Variants in UBE2E2 observed in about 807,000 individuals in gnomAD.
UBE2E2 encodes ubiquitin conjugating enzyme E2 E2.
A neutral mutation model predicts 24.7 loss-of-function variants in UBE2E2; 6 were observed. The ratio of observed to expected loss-of-function variants is 0.24; its 90% CI spans 0.13 to 0.48. The LOEUF is 0.48. UBE2E2 is among the 20% of genes least tolerant of loss of function. UBE2E2 has a pLI of 0.99. For synonymous variants in UBE2E2, 104 were observed against 83.6 expected (o/e 1.24, Z -1.33); for missense variants, 169 against 245.0 (o/e 0.69, Z 2.07).
chr3:23,279,118 C>G (rs1374814113), intron 3 of UBE2E2, among the ~76,000 whole-genome samples: 1 of 151,968 alleles, frequency 6.6e-6, no homozygotes, highest in Non-Finnish European at 1.5e-5. Context: ...TTGTAATAAA[C>G]ATGGTTTTAA....
intron 3 of UBE2E2, among the ~76,000 whole-genome samples, chr3:23,359,571 C>G (rs2125329858): frequency 6.6e-6 from 1 of 152,096 alleles, no homozygotes; most frequent in East Asian, 1.9e-4. Context: ...TTGAAATGAT[C>G]TTTGATCTAT....
chr3:23,370,634 G>A (rs1696377340), intron 3 of UBE2E2, among the ~76,000 whole-genome samples: 1 of 152,170 alleles, frequency 6.6e-6, no homozygotes, highest in Non-Finnish European at 1.5e-5. Flanking sequence ...TCTGTGAAAT[G>A]GTGAGAAAAG....
chr3:23,232,638 T>C (rs1452000685), intron 3 of UBE2E2, among the ~76,000 whole-genome samples: 1 of 152,170 alleles, frequency 6.6e-6, no homozygotes, highest in African/African-American at 2.4e-5. Context: ...TTCCTACATA[T>C]AAATGTTGCA....
At chr3:23,329,145 T>G (rs1269136824) in intron 3 of UBE2E2, among the ~76,000 whole-genome samples, 1 of 152,216 alleles carries the variant, frequency 6.6e-6, no homozygotes, top group African/African-American at 2.4e-5. Context: ...AGATGAGAAT[T>G]CTCAGACATG....
At chr3:23,561,249 T>A (rs1695922510) in intron 5 of UBE2E2, among the ~76,000 whole-genome samples, 1 of 152,216 alleles carries the variant, frequency 6.6e-6, no homozygotes. Flanking sequence ...AATTTTTGTA[T>A]AAGGTGTAAG....
chr3:23,254,322 G>A (rs1305160654), intron 3 of UBE2E2, among the ~76,000 whole-genome samples: 3 of 152,182 alleles, frequency 2.0e-5, no homozygotes, highest in Non-Finnish European at 4.4e-5. Flanking sequence ...ATGGGGAAGA[G>A]GTAATTTTGA....
Position 23,491,451 on chromosome 3 carries a change from CA to C in UBE2E2, c.228-8156del, listed in dbSNP as rs1229253306. 5.3e-5 allele frequency among the ~76,000 whole-genome samples: 8 copies of C among 152,294 alleles called. 1 individual carries two copies. The highest frequency in any genetic ancestry group is 1.9e-4 in the African/African-American group (8 of 41,552). On this transcript the variant is annotated intron_variant, in intron 3 of 5. Transcript: ENST00000396703. ...ACCACTTCCAAAGGAGAACCTAGTACAGCCTTTAGGGGATCAGAAAGGTTGC... is the reference window on the plus strand; with the variant it reads ...ACCACTTCCAAAGGAGAACCTAGTACGCCTTTAGGGGATCAGAAAGGTTGC...
chr3:23,380,919 A>G (rs534257170), intron 3 of UBE2E2, among the ~76,000 whole-genome samples: 24 of 152,280 alleles, frequency 1.6e-4, no homozygotes, highest in African/African-American at 5.5e-4. Flanking sequence ...AAGTTTTGAA[A>G]CATAACTAGT....
At position 23,298,800 on chromosome 3, in the gene UBE2E2, C is replaced by T. The variant is rs546468599; in HGVS notation, c.227+81488C>T. ...TTTGGTATCAGGATGATGCTGGCCT[C>T]ATAAAATGAGTTAGGGAGGATTCCC... is the stretch of plus-strand genomic sequence containing the variant. On this transcript the variant is annotated intron_variant, in intron 3 of 5. Transcript: ENST00000396703. Among the ~76,000 whole-genome samples, 35 of 152,162 alleles carry T rather than the reference C, an allele frequency of 2.3e-4. No homozygotes were observed. The South Asian group carries it at 3.1e-3, about 14-fold the overall frequency.
intron 3 of UBE2E2, among the ~76,000 whole-genome samples, chr3:23,291,849 A>ATTTTTTTTTTTTTTTTTTTTTTTTTT (rs57708620): frequency 1.6e-5 from 1 of 64,054 alleles, no homozygotes; most frequent in African/African-American, 7.1e-5. Context: ...TGCCCGGCTA[A>ATTTTTTTTTTTTTTTTTTTTTTTTTT]TTTTTTTTTT....
intron 3 of UBE2E2, among the ~76,000 whole-genome samples, chr3:23,328,662 C>CT (rs11433089): frequency 0.78 from 112,779 of 145,430 alleles, 43,612 homozygotes; most frequent in African/African-American, 0.83. Flanking sequence ...CTCTCTCTCT[C>CT]TTTTTTTTTT....
chr3:23,307,475 A>G (rs1699268425), intron 3 of UBE2E2, among the ~76,000 whole-genome samples: 1 of 152,160 alleles, frequency 6.6e-6, no homozygotes, highest in East Asian at 1.9e-4. Flanking sequence ...GACGTTTTAC[A>G]AATTTTGCTC....
At chr3:23,358,285 A>G (rs1375224902) in intron 3 of UBE2E2, among the ~76,000 whole-genome samples, 3 of 149,350 alleles carry the variant, frequency 2.0e-5, no homozygotes, top group African/African-American at 7.3e-5. Flanking sequence ...TTTCATTTCA[A>G]CAGAGCAAAC....
intron 5 of UBE2E2, among the ~76,000 whole-genome samples, chr3:23,574,017 A>G (rs949171988): frequency 1.3e-5 from 2 of 152,238 alleles, no homozygotes; most frequent in African/African-American, 4.8e-5. Flanking sequence ...TGGTACATAT[A>G]TGCAATGGAG....
At chr3:23,403,644 A>T (rs932577205) in intron 3 of UBE2E2, among the ~76,000 whole-genome samples, 95 of 152,242 alleles carry the variant, frequency 6.2e-4, no homozygotes, top group Middle Eastern at 3.4e-3. Context: ...AACATGGTGA[A>T]ACCCGGTCTC....
chr3:23,412,173 GTAA>G (rs1697509930), intron 3 of UBE2E2, among the ~76,000 whole-genome samples: 1 of 152,128 alleles, frequency 6.6e-6, no homozygotes, highest in African/African-American at 2.4e-5. Context: ...TAAATAGGAT[GTAA>G]TAATTAATGT....
chr3:23,345,056 C>T (rs1695511227), intron 3 of UBE2E2, among the ~76,000 whole-genome samples: 1 of 152,078 alleles, frequency 6.6e-6, no homozygotes, highest in African/African-American at 2.4e-5. Flanking sequence ...ACGAATTTTG[C>T]CCTTAAATAG....
intron 3 of UBE2E2, among the ~76,000 whole-genome samples, chr3:23,482,939 TGTTA>T (rs540683786): frequency 3.9e-5 from 6 of 152,242 alleles, no homozygotes; most frequent in Non-Finnish European, 8.8e-5. Context: ...ATATAAATAT[TGTTA>T]GTTTAATTGC....
chr3:23,418,106 GA>G (rs1001840556), intron 3 of UBE2E2, among the ~76,000 whole-genome samples: 95 of 152,116 alleles, frequency 6.2e-4, no homozygotes, highest in African/African-American at 2.2e-3. Flanking sequence ...ACTGGGGTAT[GA>G]AAAAAAATCC....
Sources: allele counts gnomAD v4.1 joint callset (sites outside exome capture counted in the v4.1 genomes callset), GRCh38; gene constraint gnomAD v4.1.1; transcripts MANE v1.5; gene names NCBI Gene and HGNC (gene_info 2026-07-23, HGNC 2026-07-21).